The following ROBO1 variants were observed in gnomAD, a reference collection of about 807,000 sequenced individuals.
ROBO1 encodes roundabout homolog 1.
Under a neutral mutation model 195.9 loss-of-function variants are expected in ROBO1, and 149 were observed. The observed-to-expected ratio is 0.76, with a 90% CI of 0.67 to 0.87. The LOEUF is 0.87. Among genes scored for constraint, ROBO1 ranks in the 40% least tolerant of loss-of-function variants. ROBO1 has a pLI of 0.00. For synonymous variants in ROBO1, 816 were observed against 733.2 expected (o/e 1.11, Z -1.82); for missense variants, 1,933 against 2,068.3 (o/e 0.93, Z 1.27).
chr3:78,661,916 A>G (rs529743162), intron 15 of ROBO1, 77 bp downstream of exon 15: 35 of 1,470,974 alleles, frequency 2.4e-5, no homozygotes, highest in Non-Finnish European at 3.1e-5. Context: ...TAGGCAACAG[A>G]TAGTTACATT....
rs751285270 is a variant in ROBO1 at position 78,651,819 on chromosome 3, T to G, written c.2725A>C (p.Ile909Leu). The G allele has an allele frequency of 2.5e-6, 4 of 1,613,794 alleles. No individual in the cohort carries two copies. Among genetic ancestry groups the G allele is most frequent in the Non-Finnish European group, 3.4e-6 (4 of 1,179,764 alleles). ...FIAGIGAACW[I>L]ILMVFSIWLY... ...CAGATGCTGAAGACCATGAGGATGA[T>G]CCAACAGGCTGCTCCAATACCTGCT... Residue 909 changes from isoleucine (I) to leucine (L), a missense_variant, in exon 19 of 31, where the codon ATC (isoleucine) becomes CTC (leucine). Physicochemically the swap from Ile to Leu is conservative, Grantham distance 5 (BLOSUM62 2). Transcript: ENST00000464233.
intron 3 of ROBO1, among the ~76,000 whole-genome samples, chr3:79,066,162 T>C (rs1322140309): frequency 1.3e-5 from 2 of 151,860 alleles, no homozygotes; most frequent in Non-Finnish European, 2.9e-5. Flanking sequence ...AGACGTTAAG[T>C]TTTTAAAAAA....
intron 3 of ROBO1, among the ~76,000 whole-genome samples, chr3:79,078,350 C>T (rs1201576036): frequency 6.6e-6 from 1 of 151,682 alleles, no homozygotes; most frequent in Non-Finnish European, 1.5e-5. Flanking sequence ...GTAGGTTGTA[C>T]CCTCTAGTGA....
At chr3:78,745,660 T>C (rs886478144) in intron 5 of ROBO1, among the ~76,000 whole-genome samples, 5 of 152,210 alleles carry the variant, frequency 3.3e-5, no homozygotes, top group African/African-American at 1.2e-4. Context: ...GCACCTCTTA[T>C]GAGCAGAACC....
At chr3:79,163,164 C>T (rs1389934193) in intron 2 of ROBO1, among the ~76,000 whole-genome samples, 1 of 152,074 alleles carries the variant, frequency 6.6e-6, no homozygotes, top group African/African-American at 2.4e-5. Flanking sequence ...ACCCACTAAA[C>T]AAGAACTCTC....
chr3:79,413,064 T>C (rs2037847634), intron 2 of ROBO1, among the ~76,000 whole-genome samples: 1 of 151,552 alleles, frequency 6.6e-6, no homozygotes, highest in Admixed American at 6.6e-5. Context: ...ATTGTTATGC[T>C]TCCAAGAACA....
intron 4 of ROBO1, among the ~76,000 whole-genome samples, chr3:78,918,420 C>A (rs2038754871): frequency 6.6e-6 from 1 of 151,982 alleles, no homozygotes; most frequent in African/African-American, 2.4e-5. Flanking sequence ...AAGTTATTAA[C>A]CCAGGAAAGA....
intron 4 of ROBO1, among the ~76,000 whole-genome samples, chr3:78,834,095 T>A (rs565482312): frequency 2.6e-5 from 4 of 152,126 alleles, no homozygotes; most frequent in African/African-American, 9.6e-5. Context: ...AAATTATCGC[T>A]TATGTACTAC....
At chr3:79,568,341 T>A (rs994595197) in intron 2 of ROBO1, among the ~76,000 whole-genome samples, 7 of 152,148 alleles carry the variant, frequency 4.6e-5, no homozygotes, top group Non-Finnish European at 8.8e-5. Context: ...TCTTAAATCA[T>A]CACCATATTG....
chr3:78,855,131 A>G (rs1559928128), intron 4 of ROBO1, among the ~76,000 whole-genome samples: 1 of 152,106 alleles, frequency 6.6e-6, no homozygotes, highest in Non-Finnish European at 1.5e-5. Context: ...TTGAAAAAAA[A>G]AAGCCATAAG....
At chr3:78,988,349 G>A (rs528591018) in intron 3 of ROBO1, among the ~76,000 whole-genome samples, 75 of 152,174 alleles carry the variant, frequency 4.9e-4, no homozygotes, top group African/African-American at 1.4e-3. Flanking sequence ...ATTTTAGGGA[G>A]GATTTCAATT....
intron 2 of ROBO1, among the ~76,000 whole-genome samples, chr3:79,204,404 T>C (rs1170097305): frequency 6.6e-6 from 1 of 151,966 alleles, no homozygotes; most frequent in East Asian, 1.9e-4. Flanking sequence ...TCTAATGAGG[T>C]ATTCTTTAGT....
chr3:79,643,771 G>T (rs1560064864), intron 1 of ROBO1, among the ~76,000 whole-genome samples: 1 of 152,014 alleles, frequency 6.6e-6, no homozygotes, highest in Non-Finnish European at 1.5e-5. Flanking sequence ...AATACTACCA[G>T]AGAAAATCAC....
chr3:79,575,584 T>TTA (rs914589935), intron 2 of ROBO1, among the ~76,000 whole-genome samples: 32 of 142,048 alleles, frequency 2.3e-4, no homozygotes, highest in Non-Finnish European at 4.1e-4. Context: ...ATAACAAATT[T>TTA]TATATATATA....
chr3:79,533,032 C>T (rs750674544), intron 2 of ROBO1: 1 of 383,808 alleles, frequency 2.6e-6, no homozygotes, highest in South Asian at 2.0e-5. Flanking sequence ...AGAATTGATC[C>T]TTTAAACCAT....
chr3:79,423,047 T>C (rs1280036673), intron 2 of ROBO1, among the ~76,000 whole-genome samples: 1 of 152,132 alleles, frequency 6.6e-6, no homozygotes, highest in African/African-American at 2.4e-5. Flanking sequence ...ACGTCTGATA[T>C]ATCCTGAAAT....
chr3:79,207,291 C>T (rs1185239400), intron 2 of ROBO1, among the ~76,000 whole-genome samples: 1 of 152,138 alleles, frequency 6.6e-6, no homozygotes, highest in Non-Finnish European at 1.5e-5. Flanking sequence ...AGAACTTCTA[C>T]ATGTCATAAA....
intron 3 of ROBO1, among the ~76,000 whole-genome samples, chr3:78,973,615 A>C (rs2076822589): frequency 6.8e-6 from 1 of 147,182 alleles, no homozygotes; most frequent in African/African-American, 2.5e-5. Flanking sequence ...TTAGGTTAAT[A>C]ACAGCTTGAA....
At chr3:79,757,750 A>C (rs1329862512) in intron 1 of ROBO1, among the ~76,000 whole-genome samples, 2 of 152,194 alleles carry the variant, frequency 1.3e-5, no homozygotes, top group Non-Finnish European at 2.9e-5. Context: ...TATTTGAAAA[A>C]GAGGACATGA....
Sources: allele counts gnomAD v4.1 joint callset (sites outside exome capture counted in the v4.1 genomes callset), GRCh38; gene constraint gnomAD v4.1.1; transcripts MANE v1.5; gene names NCBI Gene and HGNC (gene_info 2026-07-23, HGNC 2026-07-21).